The following PHOSPHO2 variants were observed in gnomAD, a reference collection of about 807,000 sequenced individuals.
The protein encoded by PHOSPHO2 is pyridoxal phosphate phosphatase PHOSPHO2.
In PHOSPHO2, 14 loss-of-function variants were observed where a neutral mutation model predicts 16.4. That is an observed-to-expected ratio of 0.85 (90% CI 0.56 to 1.33). The LOEUF (loss-of-function observed/expected upper bound fraction) is 1.33, where lower values mean the gene tolerates loss of function less well. Among genes scored for constraint, PHOSPHO2 ranks in the 40% most tolerant of loss-of-function variants. PHOSPHO2 has a pLI of 0.00. For missense variants in PHOSPHO2, 246 were observed against 282.5 expected (o/e 0.87, Z 0.93); for synonymous variants, 85 against 90.5 (o/e 0.94, Z 0.34).
At position 169,701,556 on chromosome 2, in the gene PHOSPHO2, T is replaced by G; in HGVS notation, c.585T>G (p.Val195=). The G allele has an allele frequency of 6.2e-7, 1 of 1,613,332 alleles. No homozygotes were observed. Among genetic ancestry groups the G allele is most frequent in the Non-Finnish European group, 8.5e-7 (1 of 1,180,002 alleles). Residue 195 remains valine (V), a synonymous_variant, in exon 4 of 4, where the codon GTT becomes GTG. Transcript: ENST00000359744. ...TCACCTTTTTAAAGAATGATGATGT[T>G]GCCATGCCACGGAAAGGATATACCT... The part of the protein sequence containing the change: ...CPVTFLKNDD[V]AMPRKGYTLQ...
At chr2:169,695,338 A>C (rs1027418928) in intron 2 of PHOSPHO2, 91 bp downstream of exon 2, 2 of 152,190 alleles carry the variant, frequency 1.3e-5, no homozygotes, top group Non-Finnish European at 2.9e-5. Flanking sequence ...ATACCTTAAA[A>C]AGTGTCAAGA....
At chr2:169,695,307 C>G (rs1038738528) in intron 2 of PHOSPHO2, 60 bp downstream of exon 2, 5 of 152,138 alleles carry the variant, frequency 3.3e-5, no homozygotes, top group African/African-American at 1.2e-4. Context: ...GCACATACAG[C>G]GCTGGTAGGT....
chr2:169,701,409 A>G lies in PHOSPHO2; in HGVS notation c.438A>G (p.Arg146=). The G allele has an allele frequency of 6.2e-7, 1 of 1,613,528 alleles. No homozygotes were observed. Among genetic ancestry groups the G allele is most frequent in the Non-Finnish European group, 8.5e-7 (1 of 1,179,890 alleles). ...VENYHTHSCN[R]CPKNLCKKVV... is the part of the protein sequence containing the mutation. ...ATTATCATACTCATTCTTGCAATAG[A>G]TGCCCAAAGAATCTTTGCAAAAAGG... Residue 146 remains arginine, a synonymous_variant, in exon 4 of 4, where the codon AGA becomes AGG. Transcript: ENST00000359744.
intron 2 of PHOSPHO2, among the ~76,000 whole-genome samples, chr2:169,696,000 C>T (rs1269403067): frequency 6.6e-6 from 1 of 152,190 alleles, no homozygotes; most frequent in Non-Finnish European, 1.5e-5. Flanking sequence ...GTCAGTAAGA[C>T]ATGCAGAACC....
In PHOSPHO2 at chr2:169,701,433, G is replaced by T; in HGVS notation, c.462G>T (p.Lys154Asn). Reference protein sequence around the residue: ...CNRCPKNLCKKVVLIEFVDKQ... With the variant: ...CNRCPKNLCKNVVLIEFVDKQ... Reference sequence around the variant, plus strand: ...GATGCCCAAAGAATCTTTGCAAAAAGGTAGTTTTGATAGAATTTGTAGATA... The same window carrying T: ...GATGCCCAAAGAATCTTTGCAAAAATGTAGTTTTGATAGAATTTGTAGATA... The change falls in exon 4 of 4, where the codon AAG becomes AAT. Residue 154 changes from lysine to asparagine, a missense_variant. Coordinates refer to ENST00000359744, the MANE Select transcript of PHOSPHO2 (RefSeq NM_001008489.4). 6.2e-7 allele frequency: 1 copy of T among 1,612,734 alleles called. No homozygotes were observed. Among genetic ancestry groups the T allele is most frequent in the South Asian group, 1.1e-5 (1 of 90,558 alleles).
At chr2:169,695,807 CCAGTTCCCA>C (rs1687507782) in intron 2 of PHOSPHO2, among the ~76,000 whole-genome samples, 1 of 152,088 alleles carries the variant, frequency 6.6e-6, no homozygotes, top group Admixed American at 6.5e-5. Flanking sequence ...CCCTAAAGCC[CCAGTTCCCA>C]CAGGATAATG....
intron 3 of PHOSPHO2, among the ~76,000 whole-genome samples, chr2:169,700,587 TTTAA>T (rs1182742860): frequency 5.3e-5 from 8 of 152,046 alleles, no homozygotes; most frequent in Non-Finnish European, 5.9e-5. Flanking sequence ...TGATCTGTTA[TTTAA>T]TATGAGGATT....
intron 2 of PHOSPHO2, among the ~76,000 whole-genome samples, chr2:169,696,895 A>G (rs528057307): frequency 5.9e-5 from 9 of 152,320 alleles, no homozygotes; most frequent in African/African-American, 1.7e-4. Flanking sequence ...TTATTTTCAC[A>G]TAACATTTCT....
intron 2 of PHOSPHO2, among the ~76,000 whole-genome samples, chr2:169,695,616 C>T (rs934503766): frequency 8.1e-5 from 12 of 147,878 alleles, no homozygotes; most frequent in Non-Finnish European, 1.8e-4. Flanking sequence ...CCAGCCTGGG[C>T]GACAGAGCGA....
At chr2:169,696,557 T>A (rs917376791) in intron 2 of PHOSPHO2, among the ~76,000 whole-genome samples, 8 of 152,236 alleles carry the variant, frequency 5.3e-5, no homozygotes, top group Admixed American at 3.3e-4. Flanking sequence ...GTGTAGTTTT[T>A]AATTTTCATT....
At position 169,698,529 on chromosome 2, in the gene PHOSPHO2, G is replaced by A. The variant is rs1483137142; in HGVS notation, c.-27+998G>A. On this transcript the variant is annotated intron_variant, in intron 3 of 3. Transcript: ENST00000359744. ...TTAATAGGGTTGTGACAATTAAATG[G>A]TATGATATTGCAAAGTTTTTAGGTC... Among the ~76,000 whole-genome samples the A allele has an allele frequency of 5.3e-5, 8 of 152,190 alleles. No individual in the cohort carries two copies. The South Asian group carries it at 1.2e-3, about 24-fold the overall frequency.
chr2:169,696,971 C>T (rs1483525377), intron 2 of PHOSPHO2, among the ~76,000 whole-genome samples: 23 of 151,642 alleles, frequency 1.5e-4, no homozygotes, highest in Non-Finnish European at 4.4e-5. Context: ...CCAAAAGATG[C>T]TTTTCTGACA....
intron 2 of PHOSPHO2, among the ~76,000 whole-genome samples, chr2:169,695,529 C>T (rs913343668): frequency 1.3e-5 from 2 of 152,030 alleles, no homozygotes; most frequent in African/African-American, 4.8e-5. Context: ...TCCAGGTACT[C>T]TGGAGGCTGA....
chr2:169,700,969 A>G lies in PHOSPHO2; in HGVS notation c.-3A>G, dbSNP rs1213048666. 1 of 1,586,334 alleles carries G rather than the reference A, an allele frequency of 6.3e-7. No homozygotes were observed. Among genetic ancestry groups the G allele is most frequent in the Non-Finnish European group, 8.6e-7 (1 of 1,169,234 alleles). Reference sequence around the variant, plus strand: ...AGGGTAATCCAAATCTATTTCTGGAACCATGAAAATTTTGCTAGTTTTTGA... The same window carrying G: ...AGGGTAATCCAAATCTATTTCTGGAGCCATGAAAATTTTGCTAGTTTTTGA... On this transcript the variant is annotated 5_prime_UTR_variant, in exon 4 of 4. Transcript: ENST00000359744.
chr2:169,698,502 A>G (rs1464305413), intron 3 of PHOSPHO2, among the ~76,000 whole-genome samples: 1 of 152,210 alleles, frequency 6.6e-6, no homozygotes, highest in Non-Finnish European at 1.5e-5. Flanking sequence ...AATGATTCCT[A>G]CTTAATAGGG....
At chr2:169,700,917 T>G (rs1687730552) in intron 3 of PHOSPHO2, 29 bp from the exon 4 acceptor site, 1 of 1,509,082 alleles carries the variant, frequency 6.6e-7, no homozygotes, top group African/African-American at 1.4e-5. Context: ...ACAGAGTTTG[T>G]TTAGGGAATA....
intron 3 of PHOSPHO2, among the ~76,000 whole-genome samples, chr2:169,700,437 T>A (rs1030922139): frequency 6.6e-6 from 1 of 152,178 alleles, no homozygotes; most frequent in Non-Finnish European, 1.5e-5. Context: ...CACCATTTAT[T>A]AAATAGGGAA....
Position 169,694,627 on chromosome 2 carries a change from G to A in PHOSPHO2, c.-231+5G>A. On this transcript the variant is annotated splice_donor_5th_base_variant and intron_variant, in intron 1 of 3. Transcript: ENST00000359744. ...GGCTGCCGACGGCGGGACTGGGTCAGTGAGAAGCCCGTGGGCCCCCGCCCT... is the reference window on the plus strand; with the variant it reads ...GGCTGCCGACGGCGGGACTGGGTCAATGAGAAGCCCGTGGGCCCCCGCCCT... 1 of 507,236 alleles carries A rather than the reference G, an allele frequency of 2.0e-6. No homozygotes were observed. The highest frequency in any genetic ancestry group is 3.6e-6 in the Non-Finnish European group (1 of 276,844). The allele number at this position is 507,236 out of a possible 1,614,324, so 31.4% of individuals were successfully genotyped here.
At chr2:169,695,805 C>T (rs1413564308) in intron 2 of PHOSPHO2, among the ~76,000 whole-genome samples, 1 of 152,098 alleles carries the variant, frequency 6.6e-6, no homozygotes, top group East Asian at 1.9e-4. Context: ...TTCCCTAAAG[C>T]CCCAGTTCCC....
Sources: gnomAD v4.1 joint callset for allele counts (sites outside exome capture counted in the v4.1 genomes callset) on GRCh38, gnomAD v4.1.1 for gene constraint, MANE v1.5 for transcripts, NCBI Gene and HGNC (gene_info 2026-07-23, HGNC 2026-07-21) for gene names.